Variants in FHIT observed in about 807,000 individuals in gnomAD.
FHIT encodes bis(5'-adenosyl)-triphosphatase.
FHIT carries 19 observed loss-of-function variants against 17.9 expected under a neutral mutation model. The observed-to-expected ratio is 1.06, with a 90% confidence interval of 0.74 to 1.56. The LOEUF is 1.56. Ranked by LOEUF, FHIT falls within the 40% of genes most tolerant of loss-of-function variation. The pLI is 0.00. For synonymous variants in FHIT, 81 were observed against 69.7 expected (o/e 1.16, Z -0.81); for missense variants, 248 against 189.2 (o/e 1.31, Z -1.82).
intron 5 of FHIT, among the ~76,000 whole-genome samples, chr3:60,082,152 G>A (rs561018205): frequency 6.6e-6 from 1 of 151,760 alleles, no homozygotes; most frequent in East Asian, 1.9e-4. Context: ...CAGTGTTTAT[G>A]GCTGCCATTT....
At chr3:60,302,966 G>C (rs922170290) in intron 5 of FHIT, among the ~76,000 whole-genome samples, 1 of 152,098 alleles carries the variant, frequency 6.6e-6, no homozygotes, top group Admixed American at 6.6e-5. Flanking sequence ...TGAAAGCTTT[G>C]TTAATAAGTT....
At position 60,877,892 on chromosome 3, in the gene FHIT, C is replaced by A. The variant is rs1391629492; in HGVS notation, c.-110-55881G>T. Among the ~76,000 whole-genome samples the A allele has an allele frequency of 2.0e-5, 3 of 152,144 alleles. No homozygotes were observed. The East Asian group carries it at 5.8e-4, about 29-fold the overall frequency. ...GACCCAAACAATACCCATGCTCAGT[C>A]ATTCTAGGGTACTTGCTGCCACTGC... On this transcript the variant is annotated intron_variant, in intron 3 of 9. Coordinates refer to ENST00000492590, the MANE Select transcript of FHIT (RefSeq NM_002012.4).
rs202183587 is a variant in FHIT, at chr3:59,922,411, C to T, written c.283G>A (p.Val95Ile). Residue 95 changes from valine (V) to isoleucine (I), a missense_variant, in exon 8 of 10, where the codon GTT becomes ATT. Val to Ile is a conservative substitution (Grantham distance 29, BLOSUM62 3). Transcript: ENST00000492590. ...TTCCTGGGAAGAACATGGACGTGAA[C>T]GTGCTGAAAATGTACAAGAAAGAAA... ...GPEAGQTVKH[V>I]HVHVLPRKAG... 93 of 1,613,060 alleles carry T rather than the reference C, an allele frequency of 5.8e-5. 1 individual carries two copies. Among genetic ancestry groups the T allele is most frequent in the Admixed American group, 3.7e-4 (22 of 59,828 alleles).
intron 5 of FHIT, among the ~76,000 whole-genome samples, chr3:60,460,238 GAA>G (rs1221426809): frequency 1.3e-5 from 2 of 152,114 alleles, no homozygotes; most frequent in African/African-American, 4.8e-5. Flanking sequence ...TAAAATTAGG[GAA>G]AGTCTTTTGG....
chr3:60,714,187 C>T (rs1482723754), intron 4 of FHIT, among the ~76,000 whole-genome samples: 44 of 152,186 alleles, frequency 2.9e-4, no homozygotes, highest in Non-Finnish European at 3.7e-4. Flanking sequence ...AAAAACCATA[C>T]GATTATCTCA....
At chr3:60,578,444 C>CACACACAT (rs782108004) in intron 4 of FHIT, among the ~76,000 whole-genome samples, 4 of 82,470 alleles carry the variant, frequency 4.9e-5, no homozygotes, top group African/African-American at 1.4e-4. Context: ...CTACAAAACA[C>CACACACAT]ACACACACAC....
Position 60,640,145 on chromosome 3 carries a change from T to A in FHIT, c.-17-103166A>T, listed in dbSNP as rs192344343. ...GAGCTGGGAGTGACAGAAGGAAATGTCCACAGTGTGGCACAAGGAAAGTTT... is the reference window on the plus strand; with the variant it reads ...GAGCTGGGAGTGACAGAAGGAAATGACCACAGTGTGGCACAAGGAAAGTTT... On this transcript the variant is annotated intron_variant, in intron 4 of 9. Coordinates refer to ENST00000492590, the MANE Select transcript of FHIT (RefSeq NM_002012.4). Among the ~76,000 whole-genome samples, 7 of 152,276 alleles carry A rather than the reference T, an allele frequency of 4.6e-5. No individual in the cohort carries two copies. In the East Asian group the frequency reaches 1.4e-3, roughly 29 times the overall value.
chr3:60,127,216 G>A (rs1359222186), intron 5 of FHIT, among the ~76,000 whole-genome samples: 1 of 152,086 alleles, frequency 6.6e-6, no homozygotes, highest in Non-Finnish European at 1.5e-5. Context: ...CCCAACCCAG[G>A]GGAGGCTGAC....
chr3:59,782,931 C>T (rs1702663407), intron 8 of FHIT, among the ~76,000 whole-genome samples: 1 of 152,130 alleles, frequency 6.6e-6, no homozygotes, highest in Non-Finnish European at 1.5e-5. Flanking sequence ...AACACACTTG[C>T]TGTGGTACCA....
chr3:60,022,820 T>C (rs1489148031), intron 5 of FHIT, among the ~76,000 whole-genome samples: 2 of 152,184 alleles, frequency 1.3e-5, no homozygotes, highest in Admixed American at 6.5e-5. Flanking sequence ...GCAATAAAAA[T>C]GTTTTTTCAA....
At chr3:60,932,521 C>A (rs1430078750) in intron 3 of FHIT, among the ~76,000 whole-genome samples, 3 of 152,118 alleles carry the variant, frequency 2.0e-5, no homozygotes, top group Admixed American at 2.0e-4. Flanking sequence ...TCCCCATTTC[C>A]TCTCTCCTCC....
chr3:60,005,758 A>G (rs1477711135), intron 7 of FHIT, among the ~76,000 whole-genome samples: 3 of 152,222 alleles, frequency 2.0e-5, no homozygotes, highest in Non-Finnish European at 4.4e-5. Flanking sequence ...TAATGAAAGG[A>G]TAAAAGTCCT....
chr3:59,847,265 C>T (rs1362741699), intron 8 of FHIT, among the ~76,000 whole-genome samples: 3 of 152,046 alleles, frequency 2.0e-5, no homozygotes, highest in Admixed American at 2.0e-4. Context: ...CTCTGTTCAT[C>T]TTTCTTCAAC....
intron 4 of FHIT, among the ~76,000 whole-genome samples, chr3:60,616,470 T>C (rs1459871131): frequency 6.6e-6 from 1 of 152,200 alleles, no homozygotes; most frequent in Non-Finnish European, 1.5e-5. Flanking sequence ...CTTCTAGAAC[T>C]AATAAGCAAT....
chr3:60,057,383 C>T (rs1339203702), intron 5 of FHIT, among the ~76,000 whole-genome samples: 1 of 152,148 alleles, frequency 6.6e-6, no homozygotes, highest in Non-Finnish European at 1.5e-5. Flanking sequence ...CACTTCCATG[C>T]CTCTCTGCTT....
intron 3 of FHIT, among the ~76,000 whole-genome samples, chr3:60,997,809 G>T (rs575171848): frequency 6.6e-6 from 1 of 152,070 alleles, no homozygotes; most frequent in Admixed American, 6.5e-5. Flanking sequence ...AACAAAACAC[G>T]CCTTCTCTGG....
chr3:61,238,353 A>C (rs577118433), intron 1 of FHIT, among the ~76,000 whole-genome samples: 1 of 152,280 alleles, frequency 6.6e-6, no homozygotes, highest in Admixed American at 6.5e-5. Flanking sequence ...GTACAGTGCA[A>C]AATCTAACAC....
At chr3:60,532,973 C>A (rs1402081043) in intron 5 of FHIT, among the ~76,000 whole-genome samples, 2 of 152,046 alleles carry the variant, frequency 1.3e-5, no homozygotes, top group African/African-American at 2.4e-5. Context: ...AAGAAGAAGT[C>A]ATCAAACATA....
chr3:59,797,897 T>C (rs956496296), intron 8 of FHIT, among the ~76,000 whole-genome samples: 10 of 152,242 alleles, frequency 6.6e-5, no homozygotes, highest in Non-Finnish European at 1.2e-4. Context: ...TGAAAATCGT[T>C]ACATTTGCTG....
Sources: allele counts gnomAD v4.1 joint callset (sites outside exome capture counted in the v4.1 genomes callset), GRCh38; gene constraint gnomAD v4.1.1; transcripts MANE v1.5; gene names NCBI Gene and HGNC (gene_info 2026-07-23, HGNC 2026-07-21).